The following FARS2 variants were observed in gnomAD, a reference collection of about 807,000 sequenced individuals.
FARS2 encodes phenylalanyl-tRNA synthetase 2, mitochondrial.
In FARS2, 40 loss-of-function variants were observed where a neutral mutation model predicts 46.4. The ratio of observed to expected loss-of-function variants is 0.86; its 90% CI spans 0.67 to 1.12. The LOEUF (loss-of-function observed/expected upper bound fraction) is 1.12, where lower values mean the gene tolerates loss of function less well. Among genes scored for constraint, FARS2 ranks in the 50% most tolerant of loss-of-function variants. The probability of loss-of-function intolerance (pLI) is 0.00; values close to 1 mark genes in which losing one functional copy is unlikely to be tolerated. For missense variants in FARS2, 513 were observed against 567.9 expected (o/e 0.90, Z 0.98); for synonymous variants, 234 against 214.9 (o/e 1.09, Z -0.78).
At chr6:5,734,215 G>A (rs534523802) in intron 6 of FARS2, among the ~76,000 whole-genome samples, 5 of 152,290 alleles carry the variant, frequency 3.3e-5, no homozygotes, top group African/African-American at 1.2e-4. Context: ...AGGCCAAAGA[G>A]ACCTCTTCCT....
intron 1 of FARS2, among the ~76,000 whole-genome samples, chr6:5,341,618 A>G (rs7751399): frequency 0.2 from 29,687 of 151,702 alleles, 3,406 homozygotes; most frequent in East Asian, 0.49. Context: ...TCTCAGGTTC[A>G]AGCGATTCTC....
chr6:5,573,422 A>G (rs1281965565), intron 5 of FARS2, among the ~76,000 whole-genome samples: 2 of 152,236 alleles, frequency 1.3e-5, no homozygotes, highest in African/African-American at 4.8e-5. Flanking sequence ...GCGTGCGTGC[A>G]TATAGACACG....
chr6:5,655,089 T>G (rs373495794), intron 6 of FARS2, among the ~76,000 whole-genome samples: 1 of 152,192 alleles, frequency 6.6e-6, no homozygotes, highest in South Asian at 2.1e-4. Flanking sequence ...TAGTTAAGTT[T>G]CAGGGGAGTC....
intron 6 of FARS2, among the ~76,000 whole-genome samples, chr6:5,678,159 C>G (rs1272100843): frequency 5.3e-5 from 8 of 152,186 alleles, no homozygotes; most frequent in Non-Finnish European, 1.5e-5. Flanking sequence ...TTGTCACAAT[C>G]TCTTTCTCAA....
At chr6:5,518,208 T>G (rs1368400825) in intron 4 of FARS2, among the ~76,000 whole-genome samples, 1 of 152,164 alleles carries the variant, frequency 6.6e-6, no homozygotes, top group Non-Finnish European at 1.5e-5. Context: ...ATAAGGGCAG[T>G]GGCTATAACT....
chr6:5,344,061 A>G (rs1407252005), intron 1 of FARS2, among the ~76,000 whole-genome samples: 1 of 152,060 alleles, frequency 6.6e-6, no homozygotes, highest in Non-Finnish European at 1.5e-5. Flanking sequence ...ACCGCAATGG[A>G]TGCTTAGATT....
chr6:5,653,706 C>G (rs1777476533), intron 6 of FARS2, among the ~76,000 whole-genome samples: 1 of 152,196 alleles, frequency 6.6e-6, no homozygotes, highest in Admixed American at 6.5e-5. Flanking sequence ...CATCCCCAAC[C>G]TTCATTCATT....
At chr6:5,424,727 G>A (rs1287187349) in intron 3 of FARS2, among the ~76,000 whole-genome samples, 1 of 152,142 alleles carries the variant, frequency 6.6e-6, no homozygotes, top group Non-Finnish European at 1.5e-5. Context: ...TAATGAGATG[G>A]ATCCTGTTAT....
intron 4 of FARS2, among the ~76,000 whole-genome samples, chr6:5,435,816 G>A (rs1763488652): frequency 6.6e-6 from 1 of 152,164 alleles, no homozygotes; most frequent in Non-Finnish European, 1.5e-5. Flanking sequence ...GGCCAAGAGG[G>A]AGAAGAAGCT....
At chr6:5,686,936 A>G (rs1366413466) in intron 6 of FARS2, among the ~76,000 whole-genome samples, 1 of 152,144 alleles carries the variant, frequency 6.6e-6, no homozygotes, top group East Asian at 1.9e-4. Flanking sequence ...TTTGATTTGC[A>G]TTTCTCTGAT....
intron 6 of FARS2, among the ~76,000 whole-genome samples, chr6:5,698,795 CACCCA>C (rs1286366819): frequency 2.0e-5 from 3 of 152,152 alleles, no homozygotes; most frequent in African/African-American, 7.2e-5. Context: ...TCTGTGAACT[CACCCA>C]ACAGAAGTGT....
chr6:5,297,325 G>A (rs950288436), intron 1 of FARS2, among the ~76,000 whole-genome samples: 2 of 152,076 alleles, frequency 1.3e-5, no homozygotes, highest in African/African-American at 4.8e-5. Context: ...CGTAGAGTTC[G>A]CTCTTTTTAA....
the FARS2 span, among the ~76,000 whole-genome samples, chr6:5,251,471 A>C: frequency 5.3e-5 from 8 of 152,268 alleles, no homozygotes; most frequent in South Asian, 6.2e-4. Flanking sequence ...GGAAGCTTAC[A>C]ATCATGGCAG....
chr6:5,613,238 A>G lies in FARS2; in HGVS notation c.1135A>G (p.Asn379Asp). 1 of 1,613,576 alleles carries G rather than the reference A, an allele frequency of 6.2e-7. No homozygotes were observed. The highest frequency in any genetic ancestry group is 2.2e-5 in the East Asian group (1 of 44,810). Residue 379 changes from asparagine (N) to aspartate (D), a missense_variant, in exon 6 of 7, where the codon AAT (asparagine) becomes GAT (aspartate). Physicochemically the swap from Asn to Asp is conservative, Grantham distance 23 (BLOSUM62 1). Transcript: ENST00000274680. ...FWLPSENYAE[N>D]DFYDLVRTIG... ...GTTGCCCTCTGAGAATTACGCAGAA[A>G]ATGATTTCTATGACTTAGTCCGAAC...
chr6:5,580,081 A>G (rs1236651857), intron 5 of FARS2, among the ~76,000 whole-genome samples: 2 of 151,884 alleles, frequency 1.3e-5, no homozygotes, highest in African/African-American at 2.4e-5. Flanking sequence ...CATGAGGTCA[A>G]GAGTTCAAGA....
intron 6 of FARS2, among the ~76,000 whole-genome samples, chr6:5,686,242 T>G (rs1757196169): frequency 6.6e-6 from 1 of 152,116 alleles, no homozygotes; most frequent in Non-Finnish European, 1.5e-5. Flanking sequence ...AGGGTACATG[T>G]GCACAACATG....
intron 1 of FARS2, among the ~76,000 whole-genome samples, chr6:5,344,462 C>T (rs774985493): frequency 1.6e-4 from 24 of 152,176 alleles, no homozygotes; most frequent in Middle Eastern, 3.2e-3. Flanking sequence ...CCTCCCTAAC[C>T]TGCTGGGCTG....
chr6:5,336,002 C>T (rs1015862408), intron 1 of FARS2, among the ~76,000 whole-genome samples: 1 of 152,128 alleles, frequency 6.6e-6, no homozygotes, highest in Non-Finnish European at 1.5e-5. Flanking sequence ...TCTGAGGTGC[C>T]TCCCCACTTG....
intron 4 of FARS2, among the ~76,000 whole-genome samples, chr6:5,499,441 G>T (rs1270802058): frequency 6.6e-6 from 1 of 152,188 alleles, no homozygotes; most frequent in Non-Finnish European, 1.5e-5. Flanking sequence ...GAAAAGGAAA[G>T]AATGGTTAGA....
Sources: gnomAD v4.1 joint callset for allele counts (sites outside exome capture counted in the v4.1 genomes callset) on GRCh38, gnomAD v4.1.1 for gene constraint, MANE v1.5 for transcripts, NCBI Gene and HGNC (gene_info 2026-07-23, HGNC 2026-07-21) for gene names.